Variants in INTU observed in about 807,000 individuals in gnomAD.
INTU encodes the protein protein inturned.
In INTU, 68 loss-of-function variants were observed where a neutral mutation model predicts 100.5. That is an observed-to-expected ratio of 0.68 (90% CI 0.56 to 0.83). INTU has a LOEUF of 0.83. INTU is among the 40% of genes least tolerant of loss of function. INTU has a pLI of 0.00. For synonymous variants in INTU, 357 were observed against 395.7 expected, an observed-to-expected ratio of 0.90 and a Z score of 1.16; for missense variants, 1,071 against 1,114.7, an observed-to-expected ratio of 0.96 and a Z score of 0.56.
rs1397373465 is a variant in INTU, at chr4:127,632,996, A to G, written c.-39A>G. 6.3e-7 allele frequency: 1 copy of G among 1,587,330 alleles called. No individual in the cohort carries two copies. On this transcript the variant is annotated 5_prime_UTR_variant, in exon 1 of 16. Coordinates refer to ENST00000335251, the MANE Select transcript of INTU (RefSeq NM_015693.4). ...GGCCTTAGCAAGCTATAGCTGCGAGATTTGAATTACTCCACTCGTAGCTAT... is the reference window on the plus strand; with the variant it reads ...GGCCTTAGCAAGCTATAGCTGCGAGGTTTGAATTACTCCACTCGTAGCTAT...
intron 6 of INTU, among the ~76,000 whole-genome samples, chr4:127,682,499 A>G (rs577180768): frequency 1.3e-5 from 2 of 151,358 alleles, no homozygotes; most frequent in African/African-American, 4.8e-5. Context: ...GCAAGAATAA[A>G]AAACCAAACA....
At chr4:127,642,903 C>T (rs949271139) in intron 1 of INTU, among the ~76,000 whole-genome samples, 1 of 151,182 alleles carries the variant, frequency 6.6e-6, no homozygotes, top group Non-Finnish European at 1.5e-5. Flanking sequence ...AAATTATAGA[C>T]AGTAAAGTGA....
At chr4:127,663,297 T>C in intron 3 of INTU, 84 bp from the exon 4 acceptor site, 4 of 935,368 alleles carry the variant, frequency 4.3e-6, no homozygotes, top group Non-Finnish European at 6.7e-6. Flanking sequence ...CCTGGGTGTA[T>C]GTACATGCAC....
chr4:127,726,166 C>A lies in INTU; in HGVS notation c.*9730C>A, dbSNP rs1335395268. On this transcript the variant is annotated 3_prime_UTR_variant, in exon 16 of 16. Transcript: ENST00000335251. ...CTTACTTTCTCTCCCTCTCCCCTTT[C>A]TTTAGCTCTTGTTTGTGTCTTGCCA... 1 of 152,164 alleles carries A rather than the reference C, an allele frequency of 6.6e-6. No individual in the cohort carries two copies. Among genetic ancestry groups the A allele is most frequent in the Non-Finnish European group, 1.5e-5 (1 of 68,016 alleles). The allele number at this position is 152,164 out of a possible 1,614,324, so 9.4% of individuals were successfully genotyped here. A position where few individuals can be genotyped will look rare whatever the true frequency, so the allele number is the denominator to read the frequency against.
chr4:127,691,800 A>G (rs1730141679), intron 8 of INTU, among the ~76,000 whole-genome samples: 1 of 151,380 alleles, frequency 6.6e-6, no homozygotes, highest in Non-Finnish European at 1.5e-5. Flanking sequence ...ATGCCTTTGC[A>G]TCCTCATAGC....
In INTU at chr4:127,726,637, A is replaced by AC. The variant is rs1731419870; in HGVS notation, c.*10201_*10202insC. On this transcript the variant is annotated 3_prime_UTR_variant, in exon 16 of 16. Coordinates refer to ENST00000335251, the MANE Select transcript of INTU (RefSeq NM_015693.4). ...TTTATGCACCAAAACTGTATGAAAT[A>AC]ATTTAATTTTGCAGTTGTGTTTCTA... is the stretch of plus-strand genomic sequence containing the variant. 6.6e-6 allele frequency: 1 copy of AC among 152,190 alleles called. No homozygotes were observed. The highest frequency in any genetic ancestry group is 2.4e-5 in the African/African-American group (1 of 41,450). 9.4% of individuals were successfully genotyped at this position (152,190 alleles called of 1,614,324 possible).
At chr4:127,653,457 T>G (rs1447140718) in intron 2 of INTU, among the ~76,000 whole-genome samples, 1 of 149,840 alleles carries the variant, frequency 6.7e-6, no homozygotes, top group Non-Finnish European at 1.5e-5. Flanking sequence ...ACATCTTTAT[T>G]TCTGCCTTCA....
intron 3 of INTU, among the ~76,000 whole-genome samples, chr4:127,662,921 T>G (rs1345355654): frequency 6.6e-6 from 1 of 152,198 alleles, no homozygotes; most frequent in Admixed American, 6.5e-5. Flanking sequence ...CCACCTTATT[T>G]GAAAGGAGAG....
At chr4:127,667,415 A>T (rs913434785) in intron 4 of INTU, among the ~76,000 whole-genome samples, 1 of 152,168 alleles carries the variant, frequency 6.6e-6, no homozygotes, top group African/African-American at 2.4e-5. Context: ...TTATGACTGG[A>T]ATAGAGACCT....
intron 2 of INTU, among the ~76,000 whole-genome samples, chr4:127,655,747 C>G (rs1184475407): frequency 6.6e-6 from 1 of 152,186 alleles, no homozygotes; most frequent in Non-Finnish European, 1.5e-5. Flanking sequence ...GTGGTGGGCT[C>G]CACCCAGTTG....
In INTU at chr4:127,721,864, T is replaced by C. The variant is rs1315446583; in HGVS notation, c.*5428T>C. 1 of 152,208 alleles carries C rather than the reference T, an allele frequency of 6.6e-6. No homozygotes were observed. The highest frequency in any genetic ancestry group is 1.5e-5 in the Non-Finnish European group (1 of 68,036). 9.4% of individuals were successfully genotyped at this position (152,208 alleles called of 1,614,324 possible). A position where few individuals can be genotyped will look rare whatever the true frequency, so the allele number is the denominator to read the frequency against. On this transcript the variant is annotated 3_prime_UTR_variant, in exon 16 of 16. Transcript: ENST00000335251. Reference sequence around the variant, plus strand: ...TGGTTATTCTGTTTAACAGCTCCTATAATGTTTTATTATGGTTCTTAGCTT... The same window carrying C: ...TGGTTATTCTGTTTAACAGCTCCTACAATGTTTTATTATGGTTCTTAGCTT...
chr4:127,656,948 A>G (rs1728257519), intron 3 of INTU, among the ~76,000 whole-genome samples: 1 of 152,330 alleles, frequency 6.6e-6, no homozygotes, highest in South Asian at 2.1e-4. Flanking sequence ...TACATAAAGC[A>G]GTAACAGCAA....
intron 12 of INTU, among the ~76,000 whole-genome samples, chr4:127,708,363 G>C (rs1319401839): frequency 1.3e-5 from 2 of 152,106 alleles, no homozygotes; most frequent in Non-Finnish European, 2.9e-5. Context: ...GGTTTTCAGG[G>C]AACACCATCA....
At position 127,725,540 on chromosome 4, in the gene INTU, G is replaced by A. The variant is rs1188158643; in HGVS notation, c.*9104G>A. 1 of 152,092 alleles carries A rather than the reference G, an allele frequency of 6.6e-6. No individual in the cohort carries two copies. The highest frequency in any genetic ancestry group is 1.5e-5 in the Non-Finnish European group (1 of 68,028). The allele number at this position is 152,092 out of a possible 1,614,324, so 9.4% of individuals were successfully genotyped here. On this transcript the variant is annotated 3_prime_UTR_variant, in exon 16 of 16. Coordinates refer to ENST00000335251, the MANE Select transcript of INTU (RefSeq NM_015693.4). ...TAAACGTAGCTGTTGATCACCTCAG[G>A]TTTTCATACAAACTGAACTAAGGTA...
At chr4:127,636,152 C>A (rs971037738) in intron 1 of INTU, among the ~76,000 whole-genome samples, 3 of 152,030 alleles carry the variant, frequency 2.0e-5, no homozygotes, top group Non-Finnish European at 4.4e-5. Flanking sequence ...TGCCTATAGT[C>A]CTGCAACTTG....
At chr4:127,681,141 T>C (rs1207157215) in intron 6 of INTU, among the ~76,000 whole-genome samples, 1 of 152,028 alleles carries the variant, frequency 6.6e-6, no homozygotes, top group African/African-American at 2.4e-5. Context: ...TGCTCATGGG[T>C]AGGAAAAATC....
At position 127,726,521 on chromosome 4, in the gene INTU, A is replaced by C. The variant is rs543148230; in HGVS notation, c.*10085A>C. On this transcript the variant is annotated 3_prime_UTR_variant, in exon 16 of 16. Transcript: ENST00000335251. ...CCTGCTACTGTACAAAATGTAGGGG[A>C]AAAGCTGAGAAAAATCATTTATCAA... 6.6e-6 allele frequency: 1 copy of C among 152,214 alleles called. No homozygotes were observed. The highest frequency in any genetic ancestry group is 1.5e-5 in the Non-Finnish European group (1 of 68,036). 9.4% of individuals were successfully genotyped at this position (152,214 alleles called of 1,614,324 possible).
chr4:127,647,920 C>T (rs1727662732), intron 2 of INTU, among the ~76,000 whole-genome samples: 1 of 148,020 alleles, frequency 6.8e-6, no homozygotes, highest in South Asian at 2.2e-4. Flanking sequence ...TTTCATAGCC[C>T]TTGGTGCCTT....
chr4:127,684,270 AT>A (rs926343723), intron 6 of INTU, 138 bp from the exon 7 acceptor site: 10 of 568,400 alleles, frequency 1.8e-5, no homozygotes, highest in African/African-American at 1.6e-4. Context: ...GAAAGCGACC[AT>A]TTTGTACAGC....
Sources: allele counts gnomAD v4.1 joint callset (sites outside exome capture counted in the v4.1 genomes callset), GRCh38; gene constraint gnomAD v4.1.1; transcripts MANE v1.5; gene names NCBI Gene and HGNC (gene_info 2026-07-23, HGNC 2026-07-21).